The following MYO3B variants were observed in gnomAD, a reference collection of about 807,000 sequenced individuals.
MYO3B encodes myosin IIIB, also known as myosin-IIIb.
MYO3B carries 156 observed loss-of-function variants against 174.6 expected under a neutral mutation model. The observed-to-expected ratio is 0.89, with a 90% CI of 0.78 to 1.02. MYO3B has a LOEUF of 1.02. Ranked by LOEUF, MYO3B falls within the 50% of genes least tolerant of loss-of-function variation. The probability of loss-of-function intolerance (pLI) is 0.00; values close to 1 mark genes in which losing one functional copy is unlikely to be tolerated. For missense variants in MYO3B, 1,632 were observed against 1,639.4 expected (o/e 1.00, Z 0.08); for synonymous variants, 563 against 569.1 (o/e 0.99, Z 0.15).
intron 1 of MYO3B, among the ~76,000 whole-genome samples, chr2:170,178,871 C>T (rs1471952650): frequency 3.3e-5 from 5 of 152,114 alleles, no homozygotes; most frequent in African/African-American, 1.2e-4. Flanking sequence ...TTAGTGACTG[C>T]AATATCATGA....
chr2:170,596,816 C>T (rs1694182242), intron 32 of MYO3B, among the ~76,000 whole-genome samples: 1 of 152,206 alleles, frequency 6.6e-6, no homozygotes, highest in South Asian at 2.1e-4. Flanking sequence ...CACATGGTCA[C>T]CAGCCACAGG....
chr2:170,443,792 T>C (rs1380702561), intron 22 of MYO3B, among the ~76,000 whole-genome samples, 175 bp from the exon 23 acceptor site: 1 of 151,402 alleles, frequency 6.6e-6, no homozygotes, highest in Non-Finnish European at 1.5e-5. Flanking sequence ...TTATAAATAA[T>C]TATTATAATT....
chr2:170,363,246 A>G (rs1178953431), intron 8 of MYO3B, among the ~76,000 whole-genome samples: 3 of 152,136 alleles, frequency 2.0e-5, no homozygotes, highest in Non-Finnish European at 4.4e-5. Flanking sequence ...CTGAGTTTTG[A>G]TCTAGTTTTG....
chr2:170,255,691 C>T (rs1054801359), intron 7 of MYO3B, among the ~76,000 whole-genome samples: 1 of 152,100 alleles, frequency 6.6e-6, no homozygotes, highest in African/African-American at 2.4e-5. Context: ...AAACACCAGG[C>T]CCCCTGAGAT....
At chr2:170,472,351 G>A (rs931676074) in intron 25 of MYO3B, among the ~76,000 whole-genome samples, 1 of 152,094 alleles carries the variant, frequency 6.6e-6, no homozygotes, top group Non-Finnish European at 1.5e-5. Flanking sequence ...TCACACTCCA[G>A]CCAAAATTGA....
chr2:170,500,099 T>C (rs1190731904), intron 27 of MYO3B, among the ~76,000 whole-genome samples: 2 of 152,168 alleles, frequency 1.3e-5, no homozygotes, highest in African/African-American at 4.8e-5. Flanking sequence ...TTTCTTTCCG[T>C]GTCCTGAAGA....
chr2:170,291,390 C>T (rs996848017), intron 7 of MYO3B, among the ~76,000 whole-genome samples: 4 of 152,178 alleles, frequency 2.6e-5, no homozygotes, highest in Non-Finnish European at 4.4e-5. Flanking sequence ...CAACAGGTTG[C>T]TGTAACTATT....
chr2:170,195,891 C>T (rs751778294), intron 1 of MYO3B, among the ~76,000 whole-genome samples: 2 of 152,206 alleles, frequency 1.3e-5, no homozygotes, highest in Non-Finnish European at 2.9e-5. Context: ...TAATTTGGAT[C>T]TTTTAATCCA....
At chr2:170,585,968 C>A (rs79568758) in intron 32 of MYO3B, among the ~76,000 whole-genome samples, 1 of 151,788 alleles carries the variant, frequency 6.6e-6, no homozygotes, top group African/African-American at 2.4e-5. Flanking sequence ...TGAGGCAGGC[C>A]AGGGGGAGGT....
At chr2:170,339,668 A>G (rs1343771491) in intron 8 of MYO3B, among the ~76,000 whole-genome samples, 1 of 152,244 alleles carries the variant, frequency 6.6e-6, no homozygotes, top group Non-Finnish European at 1.5e-5. Flanking sequence ...TAAAACATCT[A>G]AAAGTCTGAA....
chr2:170,295,429 T>C (rs990106488), intron 7 of MYO3B, among the ~76,000 whole-genome samples: 1 of 151,962 alleles, frequency 6.6e-6, no homozygotes, highest in African/African-American at 2.4e-5. Flanking sequence ...TTTTAGTGGA[T>C]TCCCTTAAAT....
At chr2:170,265,336 G>A (rs752623156) in intron 7 of MYO3B, among the ~76,000 whole-genome samples, 2 of 152,190 alleles carry the variant, frequency 1.3e-5, no homozygotes, top group African/African-American at 4.8e-5. Flanking sequence ...TTTCAGAAAG[G>A]TTCTAAAAGA....
chr2:170,502,713 G>A (rs970482899), intron 28 of MYO3B, among the ~76,000 whole-genome samples: 5 of 152,216 alleles, frequency 3.3e-5, no homozygotes, highest in Non-Finnish European at 7.3e-5. Flanking sequence ...ATTAGAGACA[G>A]AATGAGAGAA....
chr2:170,407,967 G>GT, intron 22 of MYO3B, 123 bp downstream of exon 22: 1 of 1,207,352 alleles, frequency 8.3e-7, no homozygotes, highest in South Asian at 1.4e-5. Flanking sequence ...TTAAGCAGGA[G>GT]TAAGGGTCTA....
chr2:170,235,507 C>A (rs1053759393), intron 6 of MYO3B, among the ~76,000 whole-genome samples: 1 of 152,128 alleles, frequency 6.6e-6, no homozygotes, highest in Non-Finnish European at 1.5e-5. Context: ...GGAGTGGGGT[C>A]ATTTCTACTT....
At chr2:170,199,534 A>T (rs2092638635) in intron 2 of MYO3B, 143 bp downstream of exon 2, 7 of 669,878 alleles carry the variant, frequency 1.0e-5, no homozygotes, top group Non-Finnish European at 1.2e-5. Context: ...AGCTTCTCTG[A>T]ATGAAGGGAC....
chr2:170,574,991 C>G (rs1479772214), intron 32 of MYO3B, among the ~76,000 whole-genome samples: 3 of 152,136 alleles, frequency 2.0e-5, no homozygotes, highest in Non-Finnish European at 4.4e-5. Flanking sequence ...GATGAGCACT[C>G]TCATTCACTG....
At chr2:170,570,788 T>G (rs1441360490) in intron 32 of MYO3B, among the ~76,000 whole-genome samples, 1 of 151,998 alleles carries the variant, frequency 6.6e-6, no homozygotes, top group Non-Finnish European at 1.5e-5. Context: ...TTTTTAGTGG[T>G]TTTTCAAATT....
chr2:170,454,997 T>C (rs1322805578), intron 23 of MYO3B, among the ~76,000 whole-genome samples: 1 of 152,194 alleles, frequency 6.6e-6, no homozygotes, highest in African/African-American at 2.4e-5. Context: ...TTTATTGAGC[T>C]GGGTGGTGCT....
Sources: gnomAD v4.1 joint callset for allele counts (sites outside exome capture counted in the v4.1 genomes callset) on GRCh38, gnomAD v4.1.1 for gene constraint, MANE v1.5 for transcripts, NCBI Gene and HGNC (gene_info 2026-07-23, HGNC 2026-07-21) for gene names.